Variants in CHRM3 observed in about 807,000 individuals in gnomAD.
CHRM3 encodes the protein cholinergic receptor muscarinic 3.
CHRM3 carries 11 observed loss-of-function variants against 41.8 expected under a neutral mutation model. That is an observed-to-expected ratio of 0.26 (90% CI 0.17 to 0.44). The LOEUF (loss-of-function observed/expected upper bound fraction) is 0.44. Ranked by LOEUF, CHRM3 falls within the 20% of genes least tolerant of loss-of-function variation. The pLI is 1.00. For synonymous variants in CHRM3, 297 were observed against 301.4 expected, an observed-to-expected ratio of 0.99 and a Z score of 0.15; for missense variants, 571 against 745.4, an observed-to-expected ratio of 0.77 and a Z score of 2.72.
chr1:239,505,737 T>A (rs1407076229), intron 2 of CHRM3, among the ~76,000 whole-genome samples: 1 of 152,154 alleles, frequency 6.6e-6, no homozygotes, highest in Non-Finnish European at 1.5e-5. Context: ...AACAGGCAGA[T>A]GTTGTAAGAG....
intron 3 of CHRM3, among the ~76,000 whole-genome samples, chr1:239,616,159 T>A (rs995610136): frequency 6.6e-6 from 1 of 152,232 alleles, no homozygotes; most frequent in African/African-American, 2.4e-5. Context: ...AGTTGAACTA[T>A]ACGAAATTGC....
intron 1 of CHRM3, among the ~76,000 whole-genome samples, chr1:239,413,295 T>A (rs1374958945): frequency 6.6e-6 from 1 of 152,026 alleles, no homozygotes; most frequent in Non-Finnish European, 1.5e-5. Flanking sequence ...ATTTATTTAT[T>A]TATTTATTTA....
At chr1:239,700,626 A>C (rs1660596069) in intron 5 of CHRM3, among the ~76,000 whole-genome samples, 1 of 152,092 alleles carries the variant, frequency 6.6e-6, no homozygotes, top group African/African-American at 2.4e-5. Context: ...TTTAAGTCCC[A>C]CTGGCATCTT....
intron 3 of CHRM3, among the ~76,000 whole-genome samples, chr1:239,597,230 A>T (rs1664883498): frequency 6.6e-6 from 1 of 152,154 alleles, no homozygotes. Context: ...GGCACCGGAG[A>T]AAAAAGAAGG....
intron 5 of CHRM3, among the ~76,000 whole-genome samples, chr1:239,760,955 T>C (rs113366662): frequency 6.7e-6 from 1 of 148,226 alleles, no homozygotes; most frequent in Non-Finnish European, 1.5e-5. Context: ...TCTTCAGATA[T>C]CTTATCTGTT....
intron 6 of CHRM3, among the ~76,000 whole-genome samples, chr1:239,903,255 A>G (rs897286814): frequency 6.6e-6 from 1 of 152,232 alleles, no homozygotes; most frequent in African/African-American, 2.4e-5. Context: ...ATTTTTACTT[A>G]TATTCTTCAA....
intron 6 of CHRM3, among the ~76,000 whole-genome samples, chr1:239,837,531 A>G (rs1449723483): frequency 6.6e-6 from 1 of 152,226 alleles, no homozygotes; most frequent in Non-Finnish European, 1.5e-5. Flanking sequence ...CATCAATTCC[A>G]GAAACTTAAT....
intron 3 of CHRM3, among the ~76,000 whole-genome samples, chr1:239,600,202 C>T (rs1285900010): frequency 1.3e-5 from 2 of 152,048 alleles, no homozygotes; most frequent in African/African-American, 4.8e-5. Flanking sequence ...ATCTCCACTC[C>T]CTTTGTTCAG....
intron 5 of CHRM3, among the ~76,000 whole-genome samples, chr1:239,770,144 A>G (rs1387735492): frequency 6.6e-6 from 1 of 152,200 alleles, no homozygotes; most frequent in African/African-American, 2.4e-5. Flanking sequence ...TGGAGAGTAC[A>G]GCCGACCTAT....
chr1:239,825,672 T>A (rs1221410309), intron 5 of CHRM3, among the ~76,000 whole-genome samples: 1 of 152,200 alleles, frequency 6.6e-6, no homozygotes, highest in Non-Finnish European at 1.5e-5. Flanking sequence ...AATATACACA[T>A]ACAATGGAAT....
At chr1:239,583,990 T>C (rs1663153835) in intron 3 of CHRM3, among the ~76,000 whole-genome samples, 1 of 152,080 alleles carries the variant, frequency 6.6e-6, no homozygotes, top group African/African-American at 2.4e-5. Flanking sequence ...CTTTGCCCCT[T>C]GTCAGCTGGG....
At chr1:239,882,178 G>T (rs369664410) in intron 6 of CHRM3, among the ~76,000 whole-genome samples, 3 of 152,222 alleles carry the variant, frequency 2.0e-5, no homozygotes, top group East Asian at 3.9e-4. Context: ...AAAGTGCTGG[G>T]ATTACAGGTG....
At chr1:239,761,641 G>A (rs541340243) in intron 5 of CHRM3, among the ~76,000 whole-genome samples, 1 of 152,150 alleles carries the variant, frequency 6.6e-6, no homozygotes, top group Non-Finnish European at 1.5e-5. Flanking sequence ...AATATGCTTC[G>A]GAGTGCTCGG....
At chr1:239,731,037 G>T (rs528956005) in intron 5 of CHRM3, among the ~76,000 whole-genome samples, 1 of 152,018 alleles carries the variant, frequency 6.6e-6, no homozygotes, top group Non-Finnish European at 1.5e-5. Flanking sequence ...ACAACTTTAA[G>T]TTTTTTACTT....
intron 1 of CHRM3, among the ~76,000 whole-genome samples, chr1:239,398,496 A>G (rs1659689705): frequency 6.6e-6 from 1 of 151,644 alleles, no homozygotes; most frequent in Admixed American, 6.6e-5. Flanking sequence ...TCGGCCTCCC[A>G]AAAAGTGCTG....
chr1:239,507,173 C>A (rs544711471), intron 2 of CHRM3, among the ~76,000 whole-genome samples: 1 of 152,042 alleles, frequency 6.6e-6, no homozygotes, highest in Non-Finnish European at 1.5e-5. Flanking sequence ...TGATTGGTTT[C>A]GAAATGTGAT....
chr1:239,514,771 T>C (rs1180357173), intron 2 of CHRM3, among the ~76,000 whole-genome samples: 1 of 152,096 alleles, frequency 6.6e-6, no homozygotes, highest in Non-Finnish European at 1.5e-5. Context: ...AGGTAGATAA[T>C]TTAAGTGTGT....
At chr1:239,644,685 A>C (rs1454156765) in intron 4 of CHRM3, among the ~76,000 whole-genome samples, 1 of 152,254 alleles carries the variant, frequency 6.6e-6, no homozygotes, top group Middle Eastern at 3.4e-3. Context: ...ACTCTTTGAC[A>C]CTGTGCTTTT....
intron 3 of CHRM3, among the ~76,000 whole-genome samples, chr1:239,619,040 A>G (rs1268828463): frequency 6.6e-6 from 1 of 151,004 alleles, no homozygotes; most frequent in East Asian, 2.0e-4. Context: ...TCAGCCTCCC[A>G]AGTAGCTAGA....
Sources: gnomAD v4.1 joint callset for allele counts (sites outside exome capture counted in the v4.1 genomes callset) on GRCh38, gnomAD v4.1.1 for gene constraint, MANE v1.5 for transcripts, NCBI Gene and HGNC (gene_info 2026-07-23, HGNC 2026-07-21) for gene names.